FRYL: variants seen among roughly 807,000 people sequenced by gnomAD.
FRYL encodes FRY like transcription coactivator, also known as protein furry homolog-like.
A neutral mutation model predicts 351.2 loss-of-function variants in FRYL; 150 were observed. The ratio of observed to expected loss-of-function variants is 0.43; its 90% CI spans 0.37 to 0.49. The LOEUF (loss-of-function observed/expected upper bound fraction) is 0.49. Among genes scored for constraint, FRYL ranks in the 20% least tolerant of loss-of-function variants. The pLI is 0.00. For missense variants in FRYL, 3,036 were observed against 3,619.3 expected (o/e 0.84, Z 4.13); for synonymous variants, 1,153 against 1,257.1 (o/e 0.92, Z 1.75).
chr4:48,712,116 G>GA (rs1226713163), intron 1 of FRYL, among the ~76,000 whole-genome samples: 4 of 152,060 alleles, frequency 2.6e-5, no homozygotes, highest in African/African-American at 9.7e-5. Flanking sequence ...CAAAGATGGG[G>GA]AAAAAACAGA....
At chr4:48,654,307 A>AC (rs1002081347) in intron 3 of FRYL, among the ~76,000 whole-genome samples, 1 of 151,612 alleles carries the variant, frequency 6.6e-6, no homozygotes, top group African/African-American at 2.4e-5. Context: ...TCAAAAAAAA[A>AC]AAAAAAACAA....
intron 1 of FRYL, among the ~76,000 whole-genome samples, chr4:48,756,695 C>A (rs921169702): frequency 6.6e-6 from 1 of 152,148 alleles, no homozygotes; most frequent in African/African-American, 2.4e-5. Context: ...TGCCTGTAAT[C>A]CCAGCACTTT....
chr4:48,522,894 T>C lies in FRYL; in HGVS notation c.7521+7A>G, dbSNP rs1257133802. On this transcript the variant is annotated splice_region_variant and intron_variant, in intron 54 of 63. Transcript: ENST00000358350. ...AAATGTCACTGTAAGAAAAGTGAATTGTATACCATCTGTGTGCGTGAGAGT... is the reference window on the plus strand; with the variant it reads ...AAATGTCACTGTAAGAAAAGTGAATCGTATACCATCTGTGTGCGTGAGAGT... The C allele has an allele frequency of 2.5e-6, 4 of 1,606,964 alleles. No homozygotes were observed. The highest frequency in any genetic ancestry group is 3.4e-6 in the Non-Finnish European group (4 of 1,173,544).
In FRYL at chr4:48,720,324, G is replaced by A. The variant is rs148211921; in HGVS notation, c.-383-9626C>T. On this transcript the variant is annotated intron_variant, in intron 1 of 63. Coordinates refer to ENST00000358350, the MANE Select transcript of FRYL (RefSeq NM_015030.2). ...TAGCCTGGCCAACATGACAAAACCC[G>A]GTCTCTACTAAAAATACAAAAAATT... Among the ~76,000 whole-genome samples the A allele has an allele frequency of 5.1e-3, 764 of 151,142 alleles. 10 individuals carry two copies. Among genetic ancestry groups the A allele is most frequent in the African/African-American group, 0.017 (690 of 41,162 alleles).
intron 3 of FRYL, among the ~76,000 whole-genome samples, chr4:48,656,404 TTATA>T (rs902340715): frequency 1.5e-5 from 2 of 129,034 alleles, no homozygotes; most frequent in African/African-American, 5.5e-5. Context: ...TAATATATAA[TTATA>T]TATAATGTAT....
At chr4:48,583,366 T>C (rs1317988537) in intron 19 of FRYL, among the ~76,000 whole-genome samples, 2 of 152,096 alleles carry the variant, frequency 1.3e-5, no homozygotes, top group Non-Finnish European at 2.9e-5. Context: ...TTAGCCAGGA[T>C]GGTCTGGATC....
At position 48,557,002 on chromosome 4, in the gene FRYL, A is replaced by G. The variant is rs1734258516; in HGVS notation, c.4242T>C (p.Asn1414=). ...LHFLISICGV[N]SEPSLLPYVK... ...CGTAAGGCAAGAGGCTTGGTTCGCTATTCACCCCACAAATGCTGATCAAAA... is the reference window on the plus strand; with the variant it reads ...CGTAAGGCAAGAGGCTTGGTTCGCTGTTCACCCCACAAATGCTGATCAAAA... The change falls in exon 35 of 64, where the codon AAT becomes AAC. Residue 1414 remains asparagine, a synonymous_variant. Coordinates refer to ENST00000358350, the MANE Select transcript of FRYL (RefSeq NM_015030.2). The G allele has an allele frequency of 2.5e-6, 4 of 1,603,116 alleles. No individual in the cohort carries two copies. The South Asian group carries it at 3.4e-5, about 13-fold the overall frequency.
At chr4:48,606,007 C>T (rs62309674) in intron 10 of FRYL, among the ~76,000 whole-genome samples, 174 bp from the exon 11 acceptor site, 1 of 151,086 alleles carries the variant, frequency 6.6e-6, no homozygotes, top group Non-Finnish European at 1.5e-5. Flanking sequence ...TGTAATCCCA[C>T]CACTTTGGGA....
chr4:48,704,889 C>A (rs533726256), intron 2 of FRYL, among the ~76,000 whole-genome samples: 1 of 146,098 alleles, frequency 6.8e-6, no homozygotes, highest in Non-Finnish European at 1.5e-5. Flanking sequence ...ACGGAGGTTG[C>A]AGTAAGCCGA....
chr4:48,641,980 C>A (rs769564424), intron 3 of FRYL, among the ~76,000 whole-genome samples: 1 of 152,024 alleles, frequency 6.6e-6, no homozygotes, highest in African/African-American at 2.4e-5. Context: ...GCTACTGATA[C>A]GAAATAAAGA....
At chr4:48,738,061 C>T (rs1771638308) in intron 1 of FRYL, among the ~76,000 whole-genome samples, 1 of 152,092 alleles carries the variant, frequency 6.6e-6, no homozygotes, top group Admixed American at 6.5e-5. Flanking sequence ...CAATGGTGTC[C>T]CCTCAATACT....
chr4:48,682,874 T>C (rs1442413786), intron 3 of FRYL, among the ~76,000 whole-genome samples: 1 of 152,174 alleles, frequency 6.6e-6, no homozygotes, highest in Non-Finnish European at 1.5e-5. Context: ...TCCTCAAGGA[T>C]CTAGACCTAG....
chr4:48,715,712 A>G (rs1374602333), intron 1 of FRYL, among the ~76,000 whole-genome samples: 1 of 152,222 alleles, frequency 6.6e-6, no homozygotes, highest in African/African-American at 2.4e-5. Context: ...GGTAATTTAT[A>G]CATTCAATGC....
chr4:48,772,591 TA>T (rs1775624926), intron 1 of FRYL, among the ~76,000 whole-genome samples: 1 of 127,962 alleles, frequency 7.8e-6, no homozygotes, highest in South Asian at 2.4e-4. Flanking sequence ...AATGGAAAAA[TA>T]AAATTACAAA....
chr4:48,616,407 T>C (rs184331879), intron 7 of FRYL, among the ~76,000 whole-genome samples: 76 of 152,308 alleles, frequency 5.0e-4, no homozygotes, highest in Admixed American at 1.8e-3. Context: ...ATAATATGTA[T>C]TGAGGACTTT....
chr4:48,702,550 C>T lies in FRYL; in HGVS notation c.-204+7969G>A, dbSNP rs187690869. 4.8e-3 allele frequency among the ~76,000 whole-genome samples: 674 copies of T among 139,770 alleles called. 6 individuals are homozygous for T. Among genetic ancestry groups the T allele is most frequent in the African/African-American group, 0.017 (623 of 36,986 alleles). 91.7% of individuals were successfully genotyped at this position (139,770 alleles called of 152,430 possible). On this transcript the variant is annotated intron_variant, in intron 2 of 63. Transcript: ENST00000358350. ...CAGCACTTTGGGAGGCCGAGGCAGG[C>T]GGATTACGAGGTCAGGAGATCGAGA... is the stretch of plus-strand genomic sequence containing the variant.
At chr4:48,628,399 T>C (rs758382713) in intron 4 of FRYL, among the ~76,000 whole-genome samples, 25 of 149,962 alleles carry the variant, frequency 1.7e-4, no homozygotes, top group Non-Finnish European at 3.4e-4. Flanking sequence ...ACAGAAAAAA[T>C]GTGTATTTTA....
intron 13 of FRYL, among the ~76,000 whole-genome samples, chr4:48,599,043 G>A (rs887832526): frequency 2.6e-5 from 4 of 151,726 alleles, no homozygotes; most frequent in African/African-American, 7.3e-5. Flanking sequence ...AAAATCTCAC[G>A]ATTTGGGCAT....
intron 24 of FRYL, among the ~76,000 whole-genome samples, chr4:48,575,447 T>C (rs1010031174): frequency 9.9e-5 from 15 of 152,190 alleles, no homozygotes; most frequent in African/African-American, 3.1e-4. Context: ...TTAACAGAAC[T>C]TGGGGCTCCT....
Sources: gnomAD v4.1 joint callset for allele counts (sites outside exome capture counted in the v4.1 genomes callset) on GRCh38, gnomAD v4.1.1 for gene constraint, MANE v1.5 for transcripts, NCBI Gene and HGNC (gene_info 2026-07-23, HGNC 2026-07-21) for gene names.